Variants in MGAT4C observed in about 807,000 individuals in gnomAD.
The protein encoded by MGAT4C is MGAT4 family member C.
MGAT4C carries 19 observed loss-of-function variants against 40.1 expected under a neutral mutation model. The observed-to-expected ratio is 0.47, with a 90% CI of 0.33 to 0.70. MGAT4C has a LOEUF of 0.70. Ranked by LOEUF, MGAT4C falls within the 30% of genes least tolerant of loss-of-function variation. The pLI is 0.02. For missense variants in MGAT4C, 491 were observed against 563.2 expected, an observed-to-expected ratio of 0.87 and a Z score of 1.30; for synonymous variants, 181 against 187.1, an observed-to-expected ratio of 0.97 and a Z score of 0.27.
intron 2 of MGAT4C, among the ~76,000 whole-genome samples, chr12:86,634,709 C>T (rs180741549): frequency 1.3e-5 from 2 of 152,202 alleles, no homozygotes; most frequent in East Asian, 1.9e-4. Flanking sequence ...GGCCATCTCA[C>T]GGGTCTTCTA....
intron 2 of MGAT4C, among the ~76,000 whole-genome samples, chr12:86,611,014 T>G (rs546216943): frequency 1.3e-5 from 2 of 151,762 alleles, no homozygotes; most frequent in Non-Finnish European, 2.9e-5. Flanking sequence ...TCTCTCGCTG[T>G]GCTCAGTCAT....
intron 1 of MGAT4C, among the ~76,000 whole-genome samples, chr12:86,075,992 A>C (rs986345584): frequency 1.3e-5 from 2 of 152,172 alleles, no homozygotes; most frequent in African/African-American, 4.8e-5. Flanking sequence ...GAATTTCTCC[A>C]CCAAAAGTGA....
chr12:86,027,339 T>C (rs565788394), intron 2 of MGAT4C, among the ~76,000 whole-genome samples: 1 of 151,970 alleles, frequency 6.6e-6, no homozygotes, highest in Non-Finnish European at 1.5e-5. Context: ...TTAAAGATAA[T>C]TTAAAATTTT....
intron 2 of MGAT4C, among the ~76,000 whole-genome samples, chr12:86,439,692 T>G (rs1555189270): frequency 6.6e-6 from 1 of 151,886 alleles, no homozygotes; most frequent in Non-Finnish European, 1.5e-5. Context: ...AAGCAAAAAG[T>G]TTTTTCTTTG....
chr12:86,069,167 A>T (rs144169350), intron 1 of MGAT4C, among the ~76,000 whole-genome samples: 1 of 142,118 alleles, frequency 7.0e-6, no homozygotes, highest in Non-Finnish European at 1.6e-5. Flanking sequence ...TTGTACCTTC[A>T]GTTTTCGGAG....
At chr12:86,765,918 A>T (rs1051282851) in intron 1 of MGAT4C, among the ~76,000 whole-genome samples, 17 of 152,240 alleles carry the variant, frequency 1.1e-4, no homozygotes, top group African/African-American at 4.1e-4. Flanking sequence ...AAATCATGCC[A>T]AAATGTAAAG....
intron 2 of MGAT4C, among the ~76,000 whole-genome samples, chr12:86,510,177 A>G (rs991277845): frequency 2.6e-4 from 40 of 152,262 alleles, no homozygotes; most frequent in African/African-American, 9.4e-4. Flanking sequence ...TTGCCCATTC[A>G]GTATGATACT....
At chr12:86,047,047 C>T (rs931857592) in intron 2 of MGAT4C, among the ~76,000 whole-genome samples, 1 of 151,988 alleles carries the variant, frequency 6.6e-6, no homozygotes, top group African/African-American at 2.4e-5. Context: ...TTTTAGTTTA[C>T]AATACAGCAA....
At chr12:86,559,548 G>C (rs1241284141) in intron 2 of MGAT4C, among the ~76,000 whole-genome samples, 2 of 151,822 alleles carry the variant, frequency 1.3e-5, no homozygotes, top group Non-Finnish European at 2.9e-5. Context: ...ACATGCTCTT[G>C]AACAACCAAT....
intron 1 of MGAT4C, among the ~76,000 whole-genome samples, chr12:86,208,469 A>G (rs1156992421): frequency 6.6e-6 from 1 of 152,158 alleles, no homozygotes; most frequent in East Asian, 1.9e-4. Flanking sequence ...TGTCTCAACA[A>G]CAACAACAAC....
chr12:86,023,886 A>G (rs1890010301), intron 2 of MGAT4C, among the ~76,000 whole-genome samples: 1 of 151,776 alleles, frequency 6.6e-6, no homozygotes, highest in Non-Finnish European at 1.5e-5. Context: ...AAACTTGAGA[A>G]ATGATTTTTT....
chr12:86,515,843 T>C (rs954135652), intron 2 of MGAT4C, among the ~76,000 whole-genome samples: 3 of 150,832 alleles, frequency 2.0e-5, no homozygotes, highest in Admixed American at 6.6e-5. Flanking sequence ...CCCGGGTTCA[T>C]ACCATTCTCC....
intron 1 of MGAT4C, among the ~76,000 whole-genome samples, chr12:86,799,164 C>A (rs1013877198): frequency 6.6e-6 from 1 of 151,716 alleles, no homozygotes; most frequent in Non-Finnish European, 1.5e-5. Flanking sequence ...CCAACATTTT[C>A]TTACCTTCTT....
chr12:86,768,774 T>G (rs896068569), intron 1 of MGAT4C, among the ~76,000 whole-genome samples: 1 of 152,106 alleles, frequency 6.6e-6, no homozygotes, highest in Admixed American at 6.5e-5. Context: ...GGGAAAGGAT[T>G]CCCTATTTAA....
intron 4 of MGAT4C, among the ~76,000 whole-genome samples, chr12:86,333,877 C>A (rs1322581407): frequency 6.6e-6 from 1 of 152,066 alleles, no homozygotes; most frequent in Non-Finnish European, 1.5e-5. Flanking sequence ...AGTTAAGTAT[C>A]TATTATTCTT....
intron 2 of MGAT4C, among the ~76,000 whole-genome samples, chr12:86,032,193 T>A (rs973277304): frequency 2.0e-5 from 3 of 152,004 alleles, no homozygotes; most frequent in African/African-American, 7.2e-5. Flanking sequence ...TTATTCCATG[T>A]CTTTCCTTTT....
At chr12:86,276,733 G>T (rs2136113180) in intron 4 of MGAT4C, among the ~76,000 whole-genome samples, 1 of 152,196 alleles carries the variant, frequency 6.6e-6, no homozygotes, top group African/African-American at 2.4e-5. Flanking sequence ...ATGACCTCCA[G>T]TTCCATCCAT....
intron 2 of MGAT4C, among the ~76,000 whole-genome samples, chr12:86,485,909 T>C (rs2136317702): frequency 6.6e-6 from 1 of 152,198 alleles, no homozygotes; most frequent in East Asian, 1.9e-4. Flanking sequence ...CCAGAAGACA[T>C]CGGGGCCTAT....
At chr12:86,442,847 C>A (rs1019330839) in intron 2 of MGAT4C, among the ~76,000 whole-genome samples, 3 of 152,080 alleles carry the variant, frequency 2.0e-5, no homozygotes, top group African/African-American at 7.2e-5. Flanking sequence ...CCATGGTCAC[C>A]CCAATCTTCA....
Sources: allele counts gnomAD v4.1 joint callset (sites outside exome capture counted in the v4.1 genomes callset), GRCh38; gene constraint gnomAD v4.1.1; transcripts MANE v1.5; gene names NCBI Gene and HGNC (gene_info 2026-07-23, HGNC 2026-07-21).